RNF152: variants seen among roughly 807,000 people sequenced by gnomAD.
RNF152 encodes the protein ring finger protein 152.
RNF152 carries 11 observed loss-of-function variants against 12.7 expected under a neutral mutation model. The ratio of observed to expected loss-of-function variants is 0.86; its 90% confidence interval spans 0.54 to 1.43. The LOEUF is 1.43. Ranked by LOEUF, RNF152 falls within the 40% of genes most tolerant of loss-of-function variation. RNF152 has a pLI of 0.00. For missense variants in RNF152, 255 were observed against 274.8 expected (o/e 0.93, Z 0.51); for synonymous variants, 113 against 120.3 (o/e 0.94, Z 0.40).
Position 61,815,590 on chromosome 18 carries a change from T to A in RNF152, c.*262A>T. 2.2e-6 allele frequency: 1 copy of A among 447,264 alleles called. No individual in the cohort carries two copies. The highest frequency in any genetic ancestry group is 4.0e-6 in the Non-Finnish European group (1 of 248,996). The allele number at this position is 447,264 out of a possible 1,614,324, so 27.7% of individuals were successfully genotyped here. On this transcript the variant is annotated 3_prime_UTR_variant, in exon 2 of 2. Transcript: ENST00000312828. Reference sequence around the variant, plus strand: ...GATTTTGAAAAATCATAAATTACAGTCCATTGAATACATGATTATGAGGAT... The same window carrying A: ...GATTTTGAAAAATCATAAATTACAGACCATTGAATACATGATTATGAGGAT...
chr18:61,860,519 G>A (rs1911423437), intron 1 of RNF152, among the ~76,000 whole-genome samples: 1 of 152,232 alleles, frequency 6.6e-6, no homozygotes, highest in Non-Finnish European at 1.5e-5. Flanking sequence ...TTGATAGTGA[G>A]GCTGGTGTAA....
intron 1 of RNF152, among the ~76,000 whole-genome samples, chr18:61,830,372 C>T (rs967192759): frequency 1.3e-5 from 2 of 152,098 alleles, no homozygotes; most frequent in Admixed American, 6.5e-5. Flanking sequence ...CATACTCATT[C>T]AACAACCGCT....
chr18:61,870,772 C>T (rs931196966), intron 1 of RNF152, among the ~76,000 whole-genome samples: 3 of 152,134 alleles, frequency 2.0e-5, no homozygotes. Context: ...AGCTCCAGTC[C>T]AGGCAAAACA....
chr18:61,834,141 C>T (rs1910077445), intron 1 of RNF152, among the ~76,000 whole-genome samples: 1 of 152,224 alleles, frequency 6.6e-6, no homozygotes, highest in African/African-American at 2.4e-5. Flanking sequence ...CACACTCCAG[C>T]CACTCTGAGT....
intron 1 of RNF152, among the ~76,000 whole-genome samples, chr18:61,824,453 T>C (rs111709772): frequency 1.7e-4 from 26 of 152,374 alleles, no homozygotes; most frequent in African/African-American, 6.0e-4. Context: ...CATTTACAAA[T>C]ATTATCTGTT....
chr18:61,813,516 AT>A lies in RNF152; in HGVS notation c.*2335del, dbSNP rs1473580028. The A allele has an allele frequency of 6.6e-6, 1 of 152,202 alleles. No homozygotes were observed. Among genetic ancestry groups the A allele is most frequent in the Non-Finnish European group, 1.5e-5 (1 of 68,030 alleles). The allele number at this position is 152,202 out of a possible 1,614,324, so 9.4% of individuals were successfully genotyped here. ...TGCTTAATGGCAACTCTAGCATGGGATTGTTTTTAAGTAAAAGTTCTATGGA... is the reference window on the plus strand; with the variant it reads ...TGCTTAATGGCAACTCTAGCATGGGATGTTTTTAAGTAAAAGTTCTATGGA... On this transcript the variant is annotated 3_prime_UTR_variant, in exon 2 of 2. Transcript: ENST00000312828.
chr18:61,855,651 G>C (rs1259288053), intron 1 of RNF152, among the ~76,000 whole-genome samples: 1 of 152,238 alleles, frequency 6.6e-6, no homozygotes, highest in East Asian at 1.9e-4. Context: ...CCCCTGGTGT[G>C]CCTGGCTGTG....
intron 1 of RNF152, among the ~76,000 whole-genome samples, chr18:61,885,975 CTTTTGCTTTCTTTTTTTT>C (rs1912674328): frequency 3.6e-5 from 3 of 84,118 alleles, no homozygotes; most frequent in African/African-American, 8.7e-5. Flanking sequence ...CTTTTGCTTT[CTTTTGCTTTCTTTTTTTT>C]TTTTTTTTTT....
intron 1 of RNF152, chr18:61,888,753 G>A (rs1912810880): frequency 6.6e-6 from 1 of 152,228 alleles, no homozygotes; most frequent in Non-Finnish European, 1.5e-5. Context: ...CAATCATGGA[G>A]TCAGACTGCT....
chr18:61,839,715 G>A (rs1375729805), intron 1 of RNF152, among the ~76,000 whole-genome samples: 1 of 152,066 alleles, frequency 6.6e-6, no homozygotes, highest in Admixed American at 6.6e-5. Flanking sequence ...CTAACACAGC[G>A]ACACCCTGTC....
At position 61,809,029 on chromosome 18, in the gene RNF152, C is replaced by T. The variant is rs1366805113; in HGVS notation, c.*6823G>A. ...TACTGGAATGACAGATTGTGCTTGA[C>T]TAAGTTGTCCTAGTTGTCCTGTGCT... is the stretch of plus-strand genomic sequence containing the variant. On this transcript the variant is annotated 3_prime_UTR_variant, in exon 2 of 2. Coordinates refer to ENST00000312828, the MANE Select transcript of RNF152 (RefSeq NM_173557.3). 1.3e-5 allele frequency: 2 copies of T among 152,316 alleles called. No individual in the cohort carries two copies. Among genetic ancestry groups the T allele is most frequent in the Non-Finnish European group, 2.9e-5 (2 of 68,106 alleles). 9.4% of individuals were successfully genotyped at this position (152,316 alleles called of 1,614,324 possible).
chr18:61,852,211 A>T (rs2144696437), intron 1 of RNF152, among the ~76,000 whole-genome samples: 1 of 152,390 alleles, frequency 6.6e-6, no homozygotes, highest in Non-Finnish European at 1.5e-5. Context: ...ACATAAGGAC[A>T]TAAGACAGAA....
chr18:61,855,963 ACGCCATGTTT>A (rs1428222835), intron 1 of RNF152, among the ~76,000 whole-genome samples: 3 of 152,104 alleles, frequency 2.0e-5, no homozygotes. Context: ...TAATCTGACC[ACGCCATGTTT>A]CCCTACAACC....
intron 1 of RNF152, among the ~76,000 whole-genome samples, chr18:61,860,902 A>G (rs1422895601): frequency 1.3e-5 from 2 of 152,248 alleles, no homozygotes; most frequent in African/African-American, 4.8e-5. Flanking sequence ...TTTAACAAAA[A>G]ATGTTTAAAA....
intron 1 of RNF152, among the ~76,000 whole-genome samples, chr18:61,820,590 G>A (rs1166306799): frequency 6.6e-6 from 1 of 151,848 alleles, no homozygotes; most frequent in Middle Eastern, 3.2e-3. Context: ...ATAAAATTGA[G>A]GCAGGGTACA....
chr18:61,857,136 A>G (rs926603932), intron 1 of RNF152, among the ~76,000 whole-genome samples: 3 of 152,212 alleles, frequency 2.0e-5, no homozygotes, highest in Admixed American at 6.5e-5. Flanking sequence ...TGTGCTGATA[A>G]TTCCTACCCT....
intron 1 of RNF152, among the ~76,000 whole-genome samples, chr18:61,868,649 G>C (rs1185783589): frequency 6.6e-6 from 1 of 152,076 alleles, no homozygotes; most frequent in Non-Finnish European, 1.5e-5. Flanking sequence ...GTTGCAGTGA[G>C]CCAAGATCAC....
intron 1 of RNF152, among the ~76,000 whole-genome samples, chr18:61,868,715 T>TA (rs59667570): frequency 0.095 from 14,338 of 150,594 alleles, 989 homozygotes; most frequent in East Asian, 0.4. Context: ...AAAATAAAAA[T>TA]AAAAAAAAAT....
At chr18:61,817,829 C>T (rs1190257013) in intron 1 of RNF152, among the ~76,000 whole-genome samples, 2 of 151,948 alleles carry the variant, frequency 1.3e-5, no homozygotes, top group Non-Finnish European at 2.9e-5. Flanking sequence ...GGAATGTCCT[C>T]TAACGCTCCA....
Sources: gnomAD v4.1 joint callset for allele counts (sites outside exome capture counted in the v4.1 genomes callset) on GRCh38, gnomAD v4.1.1 for gene constraint, MANE v1.5 for transcripts, NCBI Gene and HGNC (gene_info 2026-07-23, HGNC 2026-07-21) for gene names.